Variants in SLC26A5 observed in about 807,000 individuals in gnomAD.
SLC26A5 encodes the protein solute carrier family 26 member 5.
Under a neutral mutation model 81.0 loss-of-function variants are expected in SLC26A5, and 51 were observed. The observed-to-expected ratio is 0.63, with a 90% confidence interval of 0.50 to 0.80. The LOEUF (loss-of-function observed/expected upper bound fraction) is 0.80. Among genes scored for constraint, SLC26A5 ranks in the 30% least tolerant of loss-of-function variants. The pLI is 0.00. For missense variants in SLC26A5, 771 were observed against 905.8 expected (o/e 0.85, Z 1.91); for synonymous variants, 325 against 332.8 (o/e 0.98, Z 0.25).
rs72655392 is a variant in SLC26A5 at position 103,389,441 on chromosome 7, C to A, written c.1312-17G>T. 136 of 1,578,330 alleles carry A rather than the reference C, an allele frequency of 8.6e-5. No homozygotes were observed. In the African/African-American group the frequency reaches 1.7e-3, roughly 20 times the overall value. On this transcript the variant is annotated splice_polypyrimidine_tract_variant and intron_variant, in intron 12 of 19. Coordinates refer to ENST00000306312, the MANE Select transcript of SLC26A5 (RefSeq NM_198999.3). Reference sequence around the variant, plus strand: ...CAGCACAGCCTGAAACAGAGCACATCCCCCATGCCTCTCCTCTTGTGTCCA... The same window carrying A: ...CAGCACAGCCTGAAACAGAGCACATACCCCATGCCTCTCCTCTTGTGTCCA...
intron 1 of SLC26A5, chr7:103,445,302 G>A (rs565376299): frequency 2.6e-5 from 4 of 152,220 alleles, no homozygotes; most frequent in African/African-American, 9.6e-5. Context: ...CTTCCCGGCG[G>A]GGCCCGGCCC....
intron 19 of SLC26A5, among the ~76,000 whole-genome samples, chr7:103,365,830 A>G (rs1359342124): frequency 6.6e-6 from 1 of 151,940 alleles, no homozygotes; most frequent in Non-Finnish European, 1.5e-5. Context: ...CGGGAGGCTG[A>G]GGTAGGGGAA....
Position 103,367,106 on chromosome 7 carries a change from G to A in SLC26A5, c.2041+9702C>T, listed in dbSNP as rs548839544. On this transcript the variant is annotated intron_variant, in intron 19 of 19. Coordinates refer to the SLC26A5 transcript ENST00000339444. This position sits in a 1 kb window ranked among gnomAD's most constrained non-coding sequence, Gnocchi z 6.1. ...ATAAAGGGAATAATTGTTGTCTTGTGTACTTCATGAGTTTTTGAGAGGTCC... is the reference window on the plus strand; with the variant it reads ...ATAAAGGGAATAATTGTTGTCTTGTATACTTCATGAGTTTTTGAGAGGTCC... 1.3e-5 allele frequency among the ~76,000 whole-genome samples: 2 copies of A among 152,260 alleles called. No individual in the cohort carries two copies. Among genetic ancestry groups the A allele is most frequent in the East Asian group, 3.9e-4 (2 of 5,188 alleles).
downstream of SLC26A5, among the ~76,000 whole-genome samples, chr7:103,372,529 T>A (rs1045907816): frequency 5.9e-5 from 9 of 152,224 alleles, no homozygotes; most frequent in African/African-American, 2.2e-4. Context: ...CAACTGAAAG[T>A]GACAAATTGG....
intron 19 of SLC26A5, among the ~76,000 whole-genome samples, chr7:103,356,232 G>A (rs904448030): frequency 6.7e-6 from 1 of 149,526 alleles, no homozygotes; most frequent in African/African-American, 2.5e-5. Context: ...CTTTTTTCTT[G>A]TGTTTTTAAA....
At chr7:103,423,392 C>T (rs1337794165) in intron 2 of SLC26A5, among the ~76,000 whole-genome samples, 1 of 152,180 alleles carries the variant, frequency 6.6e-6, no homozygotes, top group Non-Finnish European at 1.5e-5. Flanking sequence ...AAAAGAAATT[C>T]TGGCAGCAAA....
chr7:103,441,794 G>C (rs1168009414), intron 2 of SLC26A5, among the ~76,000 whole-genome samples: 1 of 152,212 alleles, frequency 6.6e-6, no homozygotes, highest in Non-Finnish European at 1.5e-5. Context: ...ACTGGGTGCT[G>C]CAAAGTCAGC....
chr7:103,391,332 C>T (rs1403931136), intron 11 of SLC26A5, among the ~76,000 whole-genome samples: 1 of 152,240 alleles, frequency 6.6e-6, no homozygotes, highest in East Asian at 1.9e-4. Flanking sequence ...ACTGCCCATA[C>T]TCAGTCTCAG....
chr7:103,420,946 G>A (rs1424132752), intron 3 of SLC26A5, 69 bp from the exon 4 acceptor site: 1 of 1,509,706 alleles, frequency 6.6e-7, no homozygotes, highest in East Asian at 2.3e-5. Flanking sequence ...TCAAACCAAA[G>A]CATTTTCCCT....
intron 8 of SLC26A5, among the ~76,000 whole-genome samples, chr7:103,407,181 T>C (rs1355305316): frequency 6.6e-6 from 1 of 152,178 alleles, no homozygotes; most frequent in African/African-American, 2.4e-5. Context: ...GTTGCTGTGA[T>C]GAAAAAGCAG....
At chr7:103,363,109 A>T (rs911994046) in intron 19 of SLC26A5, among the ~76,000 whole-genome samples, 3 of 151,990 alleles carry the variant, frequency 2.0e-5, no homozygotes, top group East Asian at 1.9e-4. Flanking sequence ...TTATATATAT[A>T]TTTTTTGAGA....
intron 19 of SLC26A5, chr7:103,352,932 A>T: frequency 1.3e-6 from 1 of 780,874 alleles, no homozygotes; most frequent in Non-Finnish European, 2.4e-6. Context: ...GAAAGCTGAA[A>T]CAAGAGGGTA....
At position 103,394,653 on chromosome 7, in the gene SLC26A5, C is replaced by T. The variant is rs1050270109; in HGVS notation, c.972-1587G>A. 5.3e-5 allele frequency among the ~76,000 whole-genome samples: 8 copies of T among 152,178 alleles called. No individual in the cohort carries two copies. The South Asian group carries it at 6.2e-4, about 12-fold the overall frequency. ...AAACCATGAAGAACCTGCTTGTCTA[C>T]AGCAGATGCATTTATATGTGTAGGT... On this transcript the variant is annotated intron_variant, in intron 9 of 19. Coordinates refer to ENST00000306312, the MANE Select transcript of SLC26A5 (RefSeq NM_198999.3).
intron 8 of SLC26A5, among the ~76,000 whole-genome samples, chr7:103,399,499 C>T (rs1373517721): frequency 4.6e-5 from 7 of 152,164 alleles, no homozygotes; most frequent in Non-Finnish European, 7.4e-5. Context: ...TTGTGAGCTA[C>T]GCCAGCCAGT....
chr7:103,374,672 T>A, intron 19 of SLC26A5, 80 bp from the exon 20 acceptor site: 3 of 1,226,620 alleles, frequency 2.4e-6, no homozygotes, highest in Non-Finnish European at 3.4e-6. Flanking sequence ...CACTTCCATA[T>A]AGTGTTTTTT....
At chr7:103,419,600 C>T (rs548153204) in intron 4 of SLC26A5, among the ~76,000 whole-genome samples, 79 of 151,794 alleles carry the variant, frequency 5.2e-4, no homozygotes, top group Non-Finnish European at 8.4e-4. Context: ...TCCAGTGGCA[C>T]GATCTCAGCT....
chr7:103,360,487 G>A (rs1476475439), intron 19 of SLC26A5, among the ~76,000 whole-genome samples: 1 of 152,022 alleles, frequency 6.6e-6, no homozygotes, highest in African/African-American at 2.4e-5. Context: ...TTGACCTCCT[G>A]GGCTCAAGTG....
intron 2 of SLC26A5, among the ~76,000 whole-genome samples, chr7:103,430,958 C>T (rs576188764): frequency 1.1e-4 from 16 of 152,180 alleles, no homozygotes; most frequent in Non-Finnish European, 1.6e-4. Context: ...AGTTGAATCC[C>T]TTCCAGCACT....
At chr7:103,354,811 G>A in intron 19 of SLC26A5, 2 of 1,148,308 alleles carry the variant, frequency 1.7e-6, no homozygotes, top group Middle Eastern at 2.2e-4. Context: ...TTTACCTGTA[G>A]TTTTAATAAA....
Sources: gnomAD v4.1 joint callset for allele counts (sites outside exome capture counted in the v4.1 genomes callset) on GRCh38, gnomAD v4.1.1 for gene constraint, Gnocchi (gnomAD v3.1) non-coding constraint, MANE v1.5 for transcripts, NCBI Gene and HGNC (gene_info 2026-07-23, HGNC 2026-07-21) for gene names.